Variants in CRTAC1 observed in about 807,000 individuals in gnomAD.
CRTAC1 encodes the protein acidic secreted protein in cartilage.
CRTAC1 carries 37 observed loss-of-function variants against 67.8 expected under a neutral mutation model. The ratio of observed to expected loss-of-function variants is 0.55; its 90% CI spans 0.42 to 0.72. The LOEUF (loss-of-function observed/expected upper bound fraction) is 0.72, where lower values mean the gene tolerates loss of function less well. Among genes scored for constraint, CRTAC1 ranks in the 30% least tolerant of loss-of-function variants. The pLI is 0.00. For synonymous variants in CRTAC1, 348 were observed against 371.0 expected, an observed-to-expected ratio of 0.94 and a Z score of 0.71; for missense variants, 780 against 931.6, an observed-to-expected ratio of 0.84 and a Z score of 2.12.
At chr10:97,948,446 T>C (rs1176139855) in intron 2 of CRTAC1, among the ~76,000 whole-genome samples, 1 of 152,182 alleles carries the variant, frequency 6.6e-6, no homozygotes, top group Non-Finnish European at 1.5e-5. Context: ...AAAAGTGCTC[T>C]GAAAGTCCTA....
At chr10:97,973,000 A>C (rs1258172963) in intron 2 of CRTAC1, among the ~76,000 whole-genome samples, 1 of 152,234 alleles carries the variant, frequency 6.6e-6, no homozygotes, top group East Asian at 1.9e-4. Context: ...AGAGGCACAG[A>C]AAGTAGTGAA....
At chr10:97,911,558 C>A (rs1026811597) in intron 5 of CRTAC1, among the ~76,000 whole-genome samples, 11 of 152,148 alleles carry the variant, frequency 7.2e-5, no homozygotes, top group Admixed American at 6.5e-4. Context: ...GGGTGCCAGC[C>A]CCAGCAGCTT....
chr10:98,018,812 C>G (rs534925885), intron 1 of CRTAC1, among the ~76,000 whole-genome samples: 1 of 145,668 alleles, frequency 6.9e-6, no homozygotes, highest in Non-Finnish European at 1.6e-5. Context: ...GAGGCAGCCA[C>G]GGGAACACTG....
chr10:97,871,182 A>T (rs942974913), intron 14 of CRTAC1: 2 of 152,172 alleles, frequency 1.3e-5, no homozygotes, highest in Non-Finnish European at 1.5e-5. Flanking sequence ...CTCCAAGAGG[A>T]TGTTCAAAGG....
intron 2 of CRTAC1, 91 bp from the exon 3 acceptor site, chr10:97,936,457 G>A (rs1490279562): frequency 5.1e-5 from 54 of 1,062,690 alleles, no homozygotes; most frequent in Non-Finnish European, 7.0e-5. Context: ...GAGTCCTCCC[G>A]GACACGCCAT....
chr10:97,865,822 GTGGGA>G, intron 14 of CRTAC1, 108 bp from the exon 15 acceptor site: 2 of 1,154,540 alleles, frequency 1.7e-6, no homozygotes, highest in Non-Finnish European at 2.3e-6. Flanking sequence ...GCTGCCCGGG[GTGGGA>G]GGGAGGGTGA....
At chr10:97,994,335 G>A (rs1377563504) in intron 2 of CRTAC1, among the ~76,000 whole-genome samples, 1 of 152,114 alleles carries the variant, frequency 6.6e-6, no homozygotes, top group Non-Finnish European at 1.5e-5. Flanking sequence ...TTGGGGCTAG[G>A]GATGGTTACG....
chr10:97,871,257 G>A (rs2050090668), intron 14 of CRTAC1: 1 of 152,192 alleles, frequency 6.6e-6, no homozygotes, highest in South Asian at 2.1e-4. Context: ...GCTGCGTCGG[G>A]TTTTGAATCA....
chr10:97,962,602 G>T (rs781778201), intron 2 of CRTAC1, among the ~76,000 whole-genome samples: 1 of 152,188 alleles, frequency 6.6e-6, no homozygotes, highest in East Asian at 1.9e-4. Context: ...TTCACAAGGA[G>T]CTTTGGCAAT....
At position 97,865,706 on chromosome 10, in the gene CRTAC1, C is replaced by T. The variant is rs200286666; in HGVS notation, c.1828G>A (p.Gly610Ser). ...GTGGGGCGGGGGCCCGGTGACTGGCCGAGAGTCCCTGTAGGGAGGTGTATG... is the reference window on the plus strand; with the variant it reads ...GTGGGGCGGGGGCCCGGTGACTGGCTGAGAGTCCCTGTAGGGAGGTGTATG... ...EDGTACVGTL[G>S]QSPGPRPTTP... Residue 610 changes from glycine to serine, a missense_variant, in exon 15 of 15, where the codon GGC becomes AGC. Gly to Ser is a moderately conservative substitution (Grantham distance 56, BLOSUM62 0). Transcript: ENST00000370597. The T allele has an allele frequency of 1.8e-5, 29 of 1,602,288 alleles. No homozygotes were observed. Among genetic ancestry groups the T allele is most frequent in the Middle Eastern group, 1.7e-4 (1 of 5,916 alleles).
intron 7 of CRTAC1, among the ~76,000 whole-genome samples, chr10:97,902,554 G>A (rs1305196866): frequency 1.3e-5 from 2 of 152,284 alleles, no homozygotes; most frequent in South Asian, 2.1e-4. Context: ...GGTCCCAGGT[G>A]TGTTTCTGCC....
At chr10:97,956,869 T>C (rs1350979610) in intron 2 of CRTAC1, among the ~76,000 whole-genome samples, 1 of 151,884 alleles carries the variant, frequency 6.6e-6, no homozygotes, top group Non-Finnish European at 1.5e-5. Context: ...TACAGTGGTG[T>C]GATCTCAGCA....
chr10:98,027,630 T>C lies in CRTAC1; in HGVS notation c.24+2819A>G, dbSNP rs373668745. 1.0e-3 allele frequency among the ~76,000 whole-genome samples: 157 copies of C among 152,100 alleles called. 1 individual carries two copies. Among genetic ancestry groups the C allele is most frequent in the Middle Eastern group, 0.01 (3 of 294 alleles). On this transcript the variant is annotated intron_variant, in intron 1 of 14. Coordinates refer to ENST00000370597, the MANE Select transcript of CRTAC1 (RefSeq NM_018058.7). The stretch of plus-strand genomic sequence containing the variant: ...CACCACTTGGAATAATGAGACGAGA[T>C]TGTAGAGGCAGGGAAAGAATAATTA...
chr10:98,026,779 TG>T (rs1843241901), intron 1 of CRTAC1, among the ~76,000 whole-genome samples: 1 of 152,172 alleles, frequency 6.6e-6, no homozygotes, highest in Admixed American at 6.5e-5. Flanking sequence ...AATTCTGGCT[TG>T]GCAGCAGTGG....
At chr10:97,941,778 T>C (rs1352374505) in intron 2 of CRTAC1, among the ~76,000 whole-genome samples, 2 of 152,180 alleles carry the variant, frequency 1.3e-5, no homozygotes, top group Non-Finnish European at 2.9e-5. Context: ...TCCCCTAATT[T>C]AACTCCCCCA....
chr10:97,983,713 A>G (rs940255124), intron 2 of CRTAC1, among the ~76,000 whole-genome samples: 2 of 152,214 alleles, frequency 1.3e-5, no homozygotes, highest in African/African-American at 4.8e-5. Flanking sequence ...GCAATGGCAT[A>G]GTGGTAGAAG....
At chr10:97,880,530 T>A in intron 13 of CRTAC1, 138 bp from the exon 14 acceptor site, 2 of 1,116,290 alleles carry the variant, frequency 1.8e-6, no homozygotes, top group Non-Finnish European at 2.5e-6. Context: ...TCAGTTCCCT[T>A]GGCTGGCTCC....
chr10:97,974,095 T>C (rs2051758732), intron 2 of CRTAC1, among the ~76,000 whole-genome samples: 2 of 152,150 alleles, frequency 1.3e-5, no homozygotes, highest in Non-Finnish European at 2.9e-5. Context: ...CTCAAAGAAC[T>C]TCTAAAGGAT....
intron 2 of CRTAC1, among the ~76,000 whole-genome samples, chr10:97,984,924 G>A (rs1036201378): frequency 7.9e-5 from 12 of 152,214 alleles, no homozygotes; most frequent in African/African-American, 2.9e-4. Flanking sequence ...TAGCTCTGGT[G>A]CTGCAGTGAA....
Sources: allele counts gnomAD v4.1 joint callset (sites outside exome capture counted in the v4.1 genomes callset), GRCh38; gene constraint gnomAD v4.1.1; transcripts MANE v1.5; gene names NCBI Gene and HGNC (gene_info 2026-07-23, HGNC 2026-07-21).